Variants in BNC2 observed in about 807,000 individuals in gnomAD.
The protein encoded by BNC2 is basonuclin zinc finger protein 2.
BNC2 carries 20 observed loss-of-function variants against 76.3 expected under a neutral mutation model. The ratio of observed to expected loss-of-function variants is 0.26; its 90% confidence interval spans 0.18 to 0.38. BNC2 has a LOEUF of 0.38. Ranked by LOEUF, BNC2 falls within the 10% of genes least tolerant of loss-of-function variation. BNC2 has a pLI of 1.00. For missense variants in BNC2, 1,382 were observed against 1,399.8 expected (o/e 0.99, Z 0.20); for synonymous variants, 582 against 514.8 (o/e 1.13, Z -1.77).
intron 6 of BNC2, among the ~76,000 whole-genome samples, chr9:16,420,798 A>G (rs1372530651): frequency 6.6e-6 from 1 of 152,098 alleles, no homozygotes; most frequent in Non-Finnish European, 1.5e-5. Flanking sequence ...ATCTGGAAAC[A>G]TTGTCTTTGT....
chr9:16,786,494 G>A (rs1306048989), intron 1 of BNC2, among the ~76,000 whole-genome samples: 2 of 152,128 alleles, frequency 1.3e-5, no homozygotes, highest in African/African-American at 4.8e-5. Flanking sequence ...TTAAGAGAAA[G>A]ATCAACAAAT....
At chr9:16,591,310 C>T (rs1337393) in intron 3 of BNC2, among the ~76,000 whole-genome samples, 137,213 of 152,212 alleles carry the variant, frequency 0.9, 62,116 homozygotes, top group East Asian at 1. Context: ...TCATCTATGA[C>T]GAATGTAAAA....
chr9:16,434,218 G>A (rs1341584365), intron 6 of BNC2, among the ~76,000 whole-genome samples: 1 of 152,004 alleles, frequency 6.6e-6, no homozygotes, highest in African/African-American at 2.4e-5. Context: ...TTTTATTTCA[G>A]TAGAAAGGAA....
In BNC2 at chr9:16,783,883, G is replaced by A. The variant is rs561837074; in HGVS notation, c.4-45398C>T. 2.9e-3 allele frequency among the ~76,000 whole-genome samples: 435 copies of A among 152,242 alleles called. 2 individuals are homozygous for A. The highest frequency in any genetic ancestry group is 0.01 in the Middle Eastern group (3 of 294). ...AACTGTATTGGTAAATTTTCCAAATGTAAGTTTTAAAATTCTTTTATATTT... is the reference window on the plus strand; with the variant it reads ...AACTGTATTGGTAAATTTTCCAAATATAAGTTTTAAAATTCTTTTATATTT... On this transcript the variant is annotated intron_variant, in intron 1 of 6. Transcript: ENST00000380672.
intron 1 of BNC2, among the ~76,000 whole-genome samples, chr9:16,820,477 G>C (rs1267475960): frequency 6.6e-6 from 1 of 151,640 alleles, no homozygotes; most frequent in Non-Finnish European, 1.5e-5. Flanking sequence ...TTTTGCCAAA[G>C]GTTATATTGC....
intron 4 of BNC2, among the ~76,000 whole-genome samples, chr9:16,562,848 ATAAG>A (rs575560198): frequency 2.0e-4 from 30 of 152,348 alleles, no homozygotes; most frequent in Non-Finnish European, 4.1e-4. Flanking sequence ...CATTTCATAA[ATAAG>A]TTATATATTA....
At chr9:16,610,655 T>A (rs116773076) in intron 3 of BNC2, among the ~76,000 whole-genome samples, 2,125 of 152,270 alleles carry the variant, frequency 0.014, 70 homozygotes, top group South Asian at 0.14. Context: ...AACTTAACTC[T>A]CATTCTCATA....
At chr9:16,526,467 CTTTTTTTTT>C (rs144511624) in intron 5 of BNC2, among the ~76,000 whole-genome samples, 12 of 48,820 alleles carry the variant, frequency 2.5e-4, no homozygotes, top group African/African-American at 7.7e-4. Flanking sequence ...TAGTTTAATG[CTTTTTTTTT>C]TTTTTTTTTT....
At chr9:16,705,504 G>C (rs1253020584) in intron 3 of BNC2, among the ~76,000 whole-genome samples, 1 of 152,164 alleles carries the variant, frequency 6.6e-6, no homozygotes, top group African/African-American at 2.4e-5. Flanking sequence ...TTTCTGCAGA[G>C]CCACACACTG....
At chr9:16,751,080 G>C (rs565426203) in intron 1 of BNC2, among the ~76,000 whole-genome samples, 1 of 151,870 alleles carries the variant, frequency 6.6e-6, no homozygotes, top group South Asian at 2.1e-4. Context: ...TGTCATCCCA[G>C]AATTATACCT....
At chr9:16,705,931 AAAAC>A (rs1438787400) in intron 3 of BNC2, among the ~76,000 whole-genome samples, 3 of 152,232 alleles carry the variant, frequency 2.0e-5, no homozygotes, top group African/African-American at 2.4e-5. Context: ...CTATTATTAC[AAAAC>A]AAACAAGCAA....
At chr9:16,554,516 A>G (rs575340359) in intron 4 of BNC2, among the ~76,000 whole-genome samples, 1 of 152,322 alleles carries the variant, frequency 6.6e-6, no homozygotes, top group South Asian at 2.1e-4. Flanking sequence ...TCTAGTGGTT[A>G]AGTCAACTTT....
chr9:16,568,670 T>G (rs1391581441), intron 4 of BNC2, among the ~76,000 whole-genome samples: 1 of 152,152 alleles, frequency 6.6e-6, no homozygotes, highest in African/African-American at 2.4e-5. Flanking sequence ...GGCAAAGACT[T>G]AGTCTACTCT....
chr9:16,817,020 G>C (rs142292356), intron 1 of BNC2, among the ~76,000 whole-genome samples: 236 of 152,310 alleles, frequency 1.5e-3, no homozygotes, highest in African/African-American at 5.4e-3. Flanking sequence ...AGAGGGTGAA[G>C]AGGCAGCCGC....
chr9:16,441,161 A>G (rs987947516), intron 5 of BNC2, among the ~76,000 whole-genome samples: 5 of 152,184 alleles, frequency 3.3e-5, no homozygotes, highest in African/African-American at 1.2e-4. Context: ...AAAACTAGCC[A>G]AGTGTGGTGG....
At position 16,474,525 on chromosome 9, in the gene BNC2, T is replaced by C. The variant is rs577506783; in HGVS notation, c.670-37001A>G. Among the ~76,000 whole-genome samples, 6 of 152,252 alleles carry C rather than the reference T, an allele frequency of 3.9e-5. No individual in the cohort carries two copies. The South Asian group carries it at 8.3e-4, about 21-fold the overall frequency. On this transcript the variant is annotated intron_variant, in intron 5 of 6. Transcript: ENST00000380672. ...GAGCATGGGAGATGAACCCTCAATA[T>C]TGCACCCTGGATGTCCTCCAGGTAT...
chr9:16,546,986 G>A (rs1236287189), intron 5 of BNC2, among the ~76,000 whole-genome samples: 1 of 152,202 alleles, frequency 6.6e-6, no homozygotes, highest in Non-Finnish European at 1.5e-5. Context: ...TTACAGTGAT[G>A]AATAAGAGAC....
chr9:16,844,752 G>A (rs1229649958), intron 1 of BNC2, among the ~76,000 whole-genome samples: 2 of 152,060 alleles, frequency 1.3e-5, no homozygotes, highest in Non-Finnish European at 1.5e-5. Flanking sequence ...ACCTGCCTTG[G>A]CCAAAGTGCT....
At position 16,419,594 on chromosome 9, in the gene BNC2, T is replaced by G; in HGVS notation, c.2695A>C (p.Met899Leu). 2 of 1,599,312 alleles carry G rather than the reference T, an allele frequency of 1.3e-6. No individual in the cohort carries two copies. The highest frequency in any genetic ancestry group is 1.7e-6 in the Non-Finnish European group (2 of 1,172,840). Residue 899 changes from methionine (M) to leucine (L), a missense_variant, in exon 7 of 7, where the codon ATG (methionine) becomes CTG (leucine). Transcript: ENST00000380672. ...RKLLTKELDDMGLDSSQPSLS... is the reference protein window; with the variant it reads ...RKLLTKELDDLGLDSSQPSLS... Reference sequence around the variant, plus strand: ...GAGGGCTGCGACGAGTCCAGGCCCATGTCATCGAGTTCTTTGGTCAACAGT... The same window carrying G: ...GAGGGCTGCGACGAGTCCAGGCCCAGGTCATCGAGTTCTTTGGTCAACAGT...
Sources: gnomAD v4.1 joint callset for allele counts (sites outside exome capture counted in the v4.1 genomes callset) on GRCh38, gnomAD v4.1.1 for gene constraint, MANE v1.5 for transcripts, NCBI Gene and HGNC (gene_info 2026-07-23, HGNC 2026-07-21) for gene names.